MED13: variants seen among roughly 807,000 people sequenced by gnomAD.
MED13 encodes mediator complex subunit 13.
In MED13, 23 loss-of-function variants were observed where a neutral mutation model predicts 225.2. That is an observed-to-expected ratio of 0.10 (90% confidence interval 0.07 to 0.14). MED13 has a LOEUF of 0.14. Among genes scored for constraint, MED13 ranks in the 10% least tolerant of loss-of-function variants. The probability of loss-of-function intolerance (pLI) is 1.00; values close to 1 mark genes in which losing one functional copy is unlikely to be tolerated. For missense variants in MED13, 2,197 were observed against 2,594.5 expected (o/e 0.85, Z 3.33); for synonymous variants, 942 against 889.2 (o/e 1.06, Z -1.06).
intron 8 of MED13, among the ~76,000 whole-genome samples, chr17:62,012,647 TG>T (rs2080522795): frequency 6.6e-6 from 1 of 151,420 alleles, no homozygotes; most frequent in Non-Finnish European, 1.5e-5. Flanking sequence ...TTTTAAAATG[TG>T]GTAAGATATG....
chr17:62,035,320 G>T, intron 4 of MED13, 143 bp downstream of exon 4: 1 of 762,588 alleles, frequency 1.3e-6, no homozygotes, highest in Non-Finnish European at 2.0e-6. Context: ...ACTGTAATGG[G>T]GAAGGAAAAA....
At chr17:62,043,181 A>AAAAAAAAAAAAAAG (rs2080869578) in intron 3 of MED13, among the ~76,000 whole-genome samples, 1 of 134,052 alleles carries the variant, frequency 7.5e-6, no homozygotes, top group African/African-American at 3.1e-5. Context: ...AAAAAAAAAA[A>AAAAAAAAAAAAAAG]AAAGAAAGAA....
At chr17:62,021,494 G>A (rs1416384625) in intron 8 of MED13, among the ~76,000 whole-genome samples, 4 of 152,010 alleles carry the variant, frequency 2.6e-5, no homozygotes, top group South Asian at 4.1e-4. Context: ...AGGGGCGGCC[G>A]GGCAGAGGCG....
At chr17:62,051,654 T>C (rs1328310253) in intron 3 of MED13, among the ~76,000 whole-genome samples, 1 of 148,162 alleles carries the variant, frequency 6.7e-6, no homozygotes, top group Non-Finnish European at 1.5e-5. Context: ...AAACAAAAAC[T>C]CCAGGTGCAC....
intron 8 of MED13, among the ~76,000 whole-genome samples, chr17:62,012,982 G>A (rs1459880724): frequency 2.6e-5 from 4 of 151,796 alleles, no homozygotes; most frequent in East Asian, 1.9e-4. Flanking sequence ...TAGTAGAGAC[G>A]GGGTTTCACC....
chr17:61,977,496 G>A (rs1000745875), intron 16 of MED13, among the ~76,000 whole-genome samples: 3 of 152,172 alleles, frequency 2.0e-5, no homozygotes, highest in Non-Finnish European at 2.9e-5. Flanking sequence ...CTGTCGCCCA[G>A]GCTGGAGTGC....
chr17:61,976,106 T>C (rs535348256), intron 16 of MED13, among the ~76,000 whole-genome samples: 1 of 152,332 alleles, frequency 6.6e-6, no homozygotes, highest in Admixed American at 6.5e-5. Context: ...TAAAAACTTG[T>C]ACACAAATGT....
chr17:61,979,087 TAC>T (rs2080181556), intron 16 of MED13, among the ~76,000 whole-genome samples: 1 of 152,216 alleles, frequency 6.6e-6, no homozygotes, highest in Admixed American at 6.5e-5. Flanking sequence ...ATGTAAATAA[TAC>T]ATTTAGTTGT....
intron 16 of MED13, among the ~76,000 whole-genome samples, chr17:61,979,433 C>A (rs1220802873): frequency 6.6e-6 from 1 of 152,110 alleles, no homozygotes; most frequent in Non-Finnish European, 1.5e-5. Context: ...CCTCAGCCTC[C>A]CAAGTAGCTG....
intron 5 of MED13, 149 bp from the exon 6 acceptor site, chr17:62,031,787 TTTTC>T (rs1270498147): frequency 1.8e-5 from 8 of 452,272 alleles, no homozygotes; most frequent in Admixed American, 1.3e-4. Flanking sequence ...TGGCATAAGT[TTTTC>T]TTTTCTTTTT....
chr17:61,983,666 C>A (rs989269751), intron 15 of MED13, among the ~76,000 whole-genome samples: 2 of 151,266 alleles, frequency 1.3e-5, no homozygotes, highest in Non-Finnish European at 2.9e-5. Flanking sequence ...AGAAAAGGTG[C>A]TTCGGAATAC....
intron 28 of MED13, among the ~76,000 whole-genome samples, chr17:61,948,899 A>G (rs1202344290): frequency 6.6e-6 from 1 of 151,246 alleles, no homozygotes; most frequent in African/African-American, 2.4e-5. Flanking sequence ...ATCCCGGCTA[A>G]AACGGTGAAA....
chr17:61,998,160 C>T (rs1308886708), intron 9 of MED13, among the ~76,000 whole-genome samples: 5 of 152,272 alleles, frequency 3.3e-5, no homozygotes, highest in Admixed American at 2.0e-4. Flanking sequence ...AATTACCATA[C>T]TGTCAACATC....
rs1372035879 is a variant in MED13 at position 62,063,100 on chromosome 17, T to A, written c.268A>T (p.Ser90Cys). The stretch of plus-strand genomic sequence containing the variant: ...TCATGGTGAATAAGGTCAGCAAAAC[T>A]GGGGTCTTCACCCCACCAAAATATC... ...LWIFWWGEDP[S>C]FADLIHHDLS... is the part of the protein sequence containing the mutation. Residue 90 changes from serine to cysteine, a missense_variant, in exon 2 of 30, where the codon AGT (serine) becomes TGT (cysteine). This residue lies in a region of MED13 where 884 missense variants were observed against 918.5 expected (regional missense o/e 0.96). Coordinates refer to ENST00000397786, the MANE Select transcript of MED13 (RefSeq NM_005121.3). 1 of 1,614,154 alleles carries A rather than the reference T, an allele frequency of 6.2e-7. No homozygotes were observed. The highest frequency in any genetic ancestry group is 8.5e-7 in the Non-Finnish European group (1 of 1,180,002).
At chr17:62,016,521 T>C (rs577924100) in intron 8 of MED13, among the ~76,000 whole-genome samples, 34 of 152,326 alleles carry the variant, frequency 2.2e-4, no homozygotes, top group African/African-American at 7.9e-4. Flanking sequence ...AGCTGCACTA[T>C]CCAATAATGG....
Position 61,952,972 on chromosome 17 carries a change from G to A in MED13, c.6110C>T (p.Ala2037Val), listed in dbSNP as rs114013865. Residue 2037 changes from alanine (A) to valine (V), a missense_variant, in exon 27 of 30, where the codon GCG becomes GTG. Around this residue, in one of 12 missense-constraint regions of MED13, gnomAD observed 216 missense variants for 388.9 expected, o/e 0.56. Coordinates refer to ENST00000397786, the MANE Select transcript of MED13 (RefSeq NM_005121.3). ...AACTTGTAACACAGTTACCTTGCCC[G>A]CATCACCTCCATGGGGGTAATGAGA... ...PGSHYPHGGD[A>V]GKGQSTDRLL... is the part of the protein sequence containing the mutation. The A allele has an allele frequency of 2.6e-3, 4,132 of 1,612,282 alleles. 97 individuals carry two copies. The African/African-American group carries it at 0.046, about 18-fold the overall frequency.
chr17:62,023,273 A>C (rs2080667428), intron 8 of MED13, among the ~76,000 whole-genome samples: 1 of 152,144 alleles, frequency 6.6e-6, no homozygotes, highest in African/African-American at 2.4e-5. Flanking sequence ...CAGGGTCCAG[A>C]CCTATCTTTC....
At chr17:62,056,771 A>C (rs1296123287) in intron 2 of MED13, among the ~76,000 whole-genome samples, 2 of 152,098 alleles carry the variant, frequency 1.3e-5, no homozygotes, top group Non-Finnish European at 2.9e-5. Flanking sequence ...AAAAAAAAGA[A>C]AAAAAAATTC....
intron 28 of MED13, among the ~76,000 whole-genome samples, chr17:61,948,945 G>T (rs370350777): frequency 1.3e-5 from 2 of 151,236 alleles, no homozygotes; most frequent in Non-Finnish European, 3.0e-5. Flanking sequence ...AAAATTAGCC[G>T]GGCGTAGTGG....
Sources: gnomAD v4.1 joint callset for allele counts (sites outside exome capture counted in the v4.1 genomes callset) on GRCh38, gnomAD v4.1.1 for gene constraint, gnomAD v4.1.1 regional missense constraint, MANE v1.5 for transcripts, NCBI Gene and HGNC (gene_info 2026-07-23, HGNC 2026-07-21) for gene names.